CERS2: variants seen among roughly 807,000 people sequenced by gnomAD.
The protein encoded by CERS2 is ceramide synthase 2.
Under a neutral mutation model 56.6 loss-of-function variants are expected in CERS2, and 20 were observed. The observed-to-expected ratio is 0.35, with a 90% CI of 0.25 to 0.51. CERS2 has a LOEUF of 0.51. CERS2 is among the 20% of genes least tolerant of loss of function. The pLI is 0.96. For missense variants in CERS2, 361 were observed against 488.6 expected, an observed-to-expected ratio of 0.74 and a Z score of 2.46; for synonymous variants, 187 against 175.4, an observed-to-expected ratio of 1.07 and a Z score of -0.52.
Position 150,966,224 on chromosome 1 carries a change from G to A in CERS2, c.1067C>T (p.Ala356Val). The A allele has an allele frequency of 6.2e-7, 1 of 1,607,732 alleles. No homozygotes were observed. The highest frequency in any genetic ancestry group is 8.5e-7 in the Non-Finnish European group (1 of 1,178,306). ...GGGCCGGCTCTTTGCTCCTCCCCCA[G>A]CTGCAGCCTCCTCCCCCTCTGAGCT... ...TESSEGEEAA[A>V]GGGAKSRPLA... The change falls in exon 11 of 11, where the codon GCT becomes GTT. Residue 356 changes from alanine to valine, a missense_variant. By Grantham distance (64) the Ala-to-Val change is moderately conservative. Around this residue, in one of 3 missense-constraint regions of CERS2, gnomAD observed 122 missense variants for 151.9 expected, o/e 0.80. Coordinates refer to ENST00000368954, the MANE Select transcript of CERS2 (RefSeq NM_022075.5).
At chr1:150,968,345 C>A (rs769922329) in intron 3 of CERS2, 50 bp downstream of exon 3, 16 of 1,533,196 alleles carry the variant, frequency 1.0e-5, no homozygotes, top group African/African-American at 6.8e-5. Flanking sequence ...CCTGTCCCCC[C>A]ACCACCAAAC....
At chr1:150,974,547 G>A (rs1455656250) in intron 1 of CERS2, 72 bp downstream of exon 1, 1 of 148,910 alleles carries the variant, frequency 6.7e-6, no homozygotes, top group Non-Finnish European at 1.5e-5. Context: ...GGCACCCGGG[G>A]CTCCCAACTT....
chr1:150,967,265 AC>A, intron 7 of CERS2, 63 bp from the exon 8 acceptor site: 2 of 1,580,446 alleles, frequency 1.3e-6, no homozygotes, highest in East Asian at 2.2e-5. Context: ...ATGCCTTCTT[AC>A]CCCTTGCCTT....
chr1:150,974,110 G>C (rs1051855498), intron 1 of CERS2: 1 of 152,346 alleles, frequency 6.6e-6, no homozygotes, highest in Non-Finnish European at 1.5e-5. Flanking sequence ...GGGCACGGTG[G>C]GCCGGTAGGA....
At chr1:150,969,588 A>C (rs1206932953) in intron 1 of CERS2, among the ~76,000 whole-genome samples, 1 of 148,748 alleles carries the variant, frequency 6.7e-6, no homozygotes, top group African/African-American at 2.5e-5. Flanking sequence ...AAAAAAAAGC[A>C]TTTATTGTCT....
chr1:150,967,930 AG>A (rs1671070183), intron 4 of CERS2, 53 bp from the exon 5 acceptor site: 1 of 1,493,032 alleles, frequency 6.7e-7, no homozygotes, highest in Admixed American at 1.7e-5. Flanking sequence ...GTCCCCCAGC[AG>A]CCCCCAAATA....
chr1:150,966,445 T>C, intron 10 of CERS2, 31 bp downstream of exon 10: 2 of 1,613,000 alleles, frequency 1.2e-6, no homozygotes, highest in Non-Finnish European at 1.7e-6. Flanking sequence ...TAGAGAGTAG[T>C]AAGGCCTACA....
rs1397415312 is a variant in CERS2, at chr1:150,966,159, T to TA, written c.1131dup (p.Lys378Ter). ...GCTGGAGTAATGGTTCAGTCATTCT[T>TA]ACGATGGTTGTTATTGAGGATGGGG... On this transcript the variant is annotated frameshift_variant, in exon 11 of 11. Coordinates refer to ENST00000368954, the MANE Select transcript of CERS2 (RefSeq NM_022075.5). LOFTEE classifies it high-confidence loss of function. 6.2e-7 allele frequency: 1 copy of TA among 1,610,800 alleles called. No homozygotes were observed. Among genetic ancestry groups the TA allele is most frequent in the Non-Finnish European group, 8.5e-7 (1 of 1,179,120 alleles).
chr1:150,970,099 A>C (rs587684087), intron 1 of CERS2, among the ~76,000 whole-genome samples: 96 of 151,934 alleles, frequency 6.3e-4, no homozygotes, highest in Non-Finnish European at 1.0e-3. Flanking sequence ...GTGGTGGCAC[A>C]TGCCTGTAAT....
rs12025179 is a variant in CERS2, at chr1:150,969,263, G to A, written c.-1-172C>T. 2.3e-3 allele frequency: 1,420 copies of A among 613,460 alleles called. 17 individuals are homozygous for A. The highest frequency in any genetic ancestry group is 0.017 in the East Asian group (630 of 36,088). The allele number at this position is 613,460 out of a possible 1,614,324, so 38.0% of individuals were successfully genotyped here. ...AAATCAGTTTCCTCATCTGTAATACGGTGGCTTTCCAGTTTTAACATTTAC... is the reference window on the plus strand; with the variant it reads ...AAATCAGTTTCCTCATCTGTAATACAGTGGCTTTCCAGTTTTAACATTTAC... On this transcript the variant is annotated intron_variant, in intron 1 of 10. Transcript: ENST00000368954.
At position 150,968,439 on chromosome 1, in the gene CERS2, T is replaced by G; in HGVS notation, c.247A>C (p.Thr83Pro). Residue 83 changes from threonine to proline, a missense_variant, in exon 3 of 11, where the codon ACC becomes CCC. Physicochemically the swap from Thr to Pro is conservative, Grantham distance 38. Transcript: ENST00000368954. ...KTRLRAPPNA[T>P]LEHFYLTSGK... is the part of the protein sequence containing the mutation. ...CTGGTCAGGTAGAAATGTTCCAAGG[T>G]GGCGTTGGGAGGTGCCCGCAGCCGA... 1 of 1,614,172 alleles carries G rather than the reference T, an allele frequency of 6.2e-7. No homozygotes were observed. Among genetic ancestry groups the G allele is most frequent in the Non-Finnish European group, 8.5e-7 (1 of 1,180,034 alleles).
chr1:150,973,278 C>T (rs1401444395), intron 1 of CERS2: 1 of 152,322 alleles, frequency 6.6e-6, no homozygotes, highest in Non-Finnish European at 1.5e-5. Flanking sequence ...ATCTGGCCTA[C>T]AGCTTGTCTG....
intron 1 of CERS2, chr1:150,971,915 T>G (rs1055531645): frequency 2.1e-6 from 1 of 471,040 alleles, no homozygotes; most frequent in Non-Finnish European, 4.4e-6. Context: ...CATGTTGCCC[T>G]GGCAGTCCTA....
intron 1 of CERS2, among the ~76,000 whole-genome samples, chr1:150,973,722 G>A (rs1481371691): frequency 1.3e-5 from 2 of 152,228 alleles, no homozygotes; most frequent in Non-Finnish European, 2.9e-5. Context: ...CTGCCTGCTG[G>A]AGGCCTGCTC....
intron 1 of CERS2, among the ~76,000 whole-genome samples, chr1:150,970,210 A>G (rs1671141941): frequency 6.9e-6 from 1 of 145,562 alleles, no homozygotes. Context: ...CCTGGGTAAC[A>G]CAGTGAGACT....
Position 150,968,191 on chromosome 1 carries a change from TCTA to T in CERS2, c.299_301del (p.Val100del). On this transcript the variant is annotated inframe_deletion, in exon 4 of 11. Transcript: ENST00000368954. ...GAGCCCGCTCTGCCGGGACAAAAGC[TCTA>T]CTTCCACCTGGGCACAGTGAAGAAG... 6.2e-7 allele frequency: 1 copy of T among 1,609,338 alleles called. No homozygotes were observed. The highest frequency in any genetic ancestry group is 2.2e-5 in the East Asian group (1 of 44,862).
intron 1 of CERS2, 107 bp from the exon 2 acceptor site, chr1:150,969,198 T>G: frequency 2.2e-6 from 2 of 914,188 alleles, no homozygotes; most frequent in East Asian, 2.6e-5. Flanking sequence ...GGGCAGAGAG[T>G]CGAACTCTAG....
chr1:150,968,910 A>G lies in CERS2; in HGVS notation c.173+8T>C, dbSNP rs757513579. On this transcript the variant is annotated splice_region_variant and intron_variant, in intron 2 of 10. Transcript: ENST00000368954. Reference sequence around the variant, plus strand: ...GGGGAAGGCATGAGGGTAGGCTGGCATGCTTACAGCTCAAAGAAGTATCGA... The same window carrying G: ...GGGGAAGGCATGAGGGTAGGCTGGCGTGCTTACAGCTCAAAGAAGTATCGA... 2 of 1,611,902 alleles carry G rather than the reference A, an allele frequency of 1.2e-6. No individual in the cohort carries two copies. Among genetic ancestry groups the G allele is most frequent in the South Asian group, 1.1e-5 (1 of 90,996 alleles).
chr1:150,969,688 GGTCTT>G (rs145560705), intron 1 of CERS2, among the ~76,000 whole-genome samples: 2,429 of 152,102 alleles, frequency 0.016, 64 homozygotes, highest in African/African-American at 0.055. Context: ...GAACCTTGGG[GGTCTT>G]GTCATTTTGC....
Sources: gnomAD v4.1 joint callset for allele counts (sites outside exome capture counted in the v4.1 genomes callset) on GRCh38, gnomAD v4.1.1 for gene constraint, gnomAD v4.1.1 regional missense constraint, MANE v1.5 for transcripts, NCBI Gene and HGNC (gene_info 2026-07-23, HGNC 2026-07-21) for gene names.